Variants in CPA6 observed in about 807,000 individuals in gnomAD.
CPA6 encodes carboxypeptidase A6, also known as carboxypeptidase B.
A neutral mutation model predicts 63.3 loss-of-function variants in CPA6; 58 were observed. That is an observed-to-expected ratio of 0.92 (90% CI 0.74 to 1.14). CPA6 has a LOEUF of 1.14. Among genes scored for constraint, CPA6 ranks in the 50% most tolerant of loss-of-function variants. The pLI, the probability that CPA6 is intolerant of heterozygous loss-of-function variation, is 0.00. For missense variants in CPA6, 565 were observed against 526.6 expected, an observed-to-expected ratio of 1.07 and a Z score of -0.71; for synonymous variants, 185 against 179.0, an observed-to-expected ratio of 1.03 and a Z score of -0.27.
chr8:67,465,973 T>C (rs1213075995), intron 8 of CPA6, among the ~76,000 whole-genome samples: 12 of 152,146 alleles, frequency 7.9e-5, no homozygotes, highest in Middle Eastern at 3.4e-3. Context: ...CTTCATAGAG[T>C]AAGTTAGGGA....
chr8:67,716,550 AC>A (rs199654162), intron 1 of CPA6, among the ~76,000 whole-genome samples: 6,444 of 152,356 alleles, frequency 0.042, 225 homozygotes, highest in African/African-American at 0.094. Context: ...TCTTAGTGAA[AC>A]AATAGGGCAG....
chr8:67,517,793 C>A, intron 3 of CPA6, 130 bp downstream of exon 3: 1 of 927,888 alleles, frequency 1.1e-6, no homozygotes, highest in Non-Finnish European at 1.6e-6. Context: ...ATATTCATGT[C>A]AGTTTTCCCC....
intron 1 of CPA6, among the ~76,000 whole-genome samples, chr8:67,725,996 C>G (rs570683977): frequency 1.3e-5 from 2 of 152,250 alleles, no homozygotes; most frequent in Admixed American, 6.5e-5. Context: ...TGATCTGTCA[C>G]TTAAGATAGC....
intron 8 of CPA6, among the ~76,000 whole-genome samples, chr8:67,462,000 GTT>G (rs1018151684): frequency 1.4e-5 from 2 of 145,390 alleles, no homozygotes. Context: ...AAATTTTTAG[GTT>G]TTTTTTTTTT....
chr8:67,480,397 C>G (rs1811332983), intron 8 of CPA6, among the ~76,000 whole-genome samples: 1 of 152,152 alleles, frequency 6.6e-6, no homozygotes, highest in Non-Finnish European at 1.5e-5. Context: ...CTCTCTATCT[C>G]TATAGATTTG....
chr8:67,508,407 G>A (rs1021395288), intron 5 of CPA6, among the ~76,000 whole-genome samples: 1 of 152,084 alleles, frequency 6.6e-6, no homozygotes, highest in Non-Finnish European at 1.5e-5. Flanking sequence ...GTGTCAAGCA[G>A]GCAATGGTGG....
chr8:67,442,863 T>C (rs1484446454), intron 8 of CPA6, among the ~76,000 whole-genome samples: 3 of 152,272 alleles, frequency 2.0e-5, no homozygotes, highest in African/African-American at 7.2e-5. Flanking sequence ...CTGATCATAG[T>C]AGAGGCACTA....
At chr8:67,623,277 T>C (rs1239645741) in intron 2 of CPA6, among the ~76,000 whole-genome samples, 1 of 152,220 alleles carries the variant, frequency 6.6e-6, no homozygotes, top group Admixed American at 6.5e-5. Context: ...AAACCATGTA[T>C]TGAACTTCTA....
chr8:67,533,912 T>G (rs1812529130), intron 2 of CPA6, among the ~76,000 whole-genome samples: 1 of 152,208 alleles, frequency 6.6e-6, no homozygotes, highest in South Asian at 2.1e-4. Context: ...CCCCATCAAG[T>G]AGGTCTCATC....
intron 2 of CPA6, among the ~76,000 whole-genome samples, chr8:67,607,421 C>A (rs1225768758): frequency 6.6e-6 from 1 of 151,854 alleles, no homozygotes; most frequent in Admixed American, 6.6e-5. Flanking sequence ...ACTTTGCAAA[C>A]CTGAGAAATC....
intron 1 of CPA6, among the ~76,000 whole-genome samples, chr8:67,701,567 G>A (rs1160315491): frequency 6.6e-6 from 1 of 152,190 alleles, no homozygotes; most frequent in East Asian, 1.9e-4. Flanking sequence ...CTATAGGCTG[G>A]TGATTATTTT....
chr8:67,716,859 G>A (rs1306230378), intron 1 of CPA6, among the ~76,000 whole-genome samples: 2 of 152,042 alleles, frequency 1.3e-5, no homozygotes, highest in Non-Finnish European at 2.9e-5. Context: ...GCTGTTCATA[G>A]TAGCTGAAAA....
intron 6 of CPA6, among the ~76,000 whole-genome samples, chr8:67,502,503 T>C (rs1251047621): frequency 6.6e-6 from 1 of 152,210 alleles, no homozygotes; most frequent in Admixed American, 6.5e-5. Flanking sequence ...TGCTCTTATT[T>C]CTATTATTTC....
intron 8 of CPA6, among the ~76,000 whole-genome samples, chr8:67,475,935 TC>T (rs1457764348): frequency 5.9e-4 from 32 of 54,378 alleles, no homozygotes; most frequent in African/African-American, 2.7e-3. Flanking sequence ...TCTTTCTTTC[TC>T]TTTCTTTCTC....
At chr8:67,586,098 T>C (rs906733030) in intron 2 of CPA6, among the ~76,000 whole-genome samples, 1 of 152,182 alleles carries the variant, frequency 6.6e-6, no homozygotes, top group African/African-American at 2.4e-5. Context: ...ATGTGGCTTA[T>C]GGAGGAGTAG....
At chr8:67,484,113 T>A (rs200940044) in intron 7 of CPA6, among the ~76,000 whole-genome samples, 12 of 151,802 alleles carry the variant, frequency 7.9e-5, no homozygotes, top group Non-Finnish European at 1.5e-4. Flanking sequence ...TCTATCGCCC[T>A]GGCTGGAGTG....
At chr8:67,476,626 C>T (rs1385757984) in intron 8 of CPA6, among the ~76,000 whole-genome samples, 1 of 150,658 alleles carries the variant, frequency 6.6e-6, no homozygotes, top group Non-Finnish European at 1.5e-5. Context: ...ACCTAAACTG[C>T]TCTTCTGCAG....
chr8:67,713,099 G>GTGTGTGTGTATA (rs1328463977), intron 1 of CPA6, among the ~76,000 whole-genome samples: 36 of 55,024 alleles, frequency 6.5e-4, no homozygotes, highest in African/African-American at 2.1e-3. Flanking sequence ...GTGTGTGTGT[G>GTGTGTGTGTATA]TATATATATA....
intron 3 of CPA6, among the ~76,000 whole-genome samples, chr8:67,515,597 A>G (rs1452880316): frequency 5.3e-5 from 8 of 152,092 alleles, no homozygotes; most frequent in African/African-American, 1.5e-4. Flanking sequence ...CTGCAGCGTC[A>G]TGCCACTTCT....
Sources: allele counts gnomAD v4.1 joint callset (sites outside exome capture counted in the v4.1 genomes callset), GRCh38; gene constraint gnomAD v4.1.1; transcripts MANE v1.5; gene names NCBI Gene and HGNC (gene_info 2026-07-23, HGNC 2026-07-21).